DAB1: variants seen among roughly 807,000 people sequenced by gnomAD.
The protein encoded by DAB1 is DAB adaptor protein 1.
DAB1 carries 15 observed loss-of-function variants against 64.6 expected under a neutral mutation model. The ratio of observed to expected loss-of-function variants is 0.23; its 90% confidence interval spans 0.16 to 0.36. The LOEUF (loss-of-function observed/expected upper bound fraction) is 0.36. Among genes scored for constraint, DAB1 ranks in the 10% least tolerant of loss-of-function variants. The pLI is 1.00. For missense variants in DAB1, 596 were observed against 706.7 expected (o/e 0.84, Z 1.78); for synonymous variants, 235 against 251.9 (o/e 0.93, Z 0.64).
chr1:57,791,334 C>T (rs541132702), intron 6 of DAB1, among the ~76,000 whole-genome samples: 3 of 152,308 alleles, frequency 2.0e-5, no homozygotes, highest in East Asian at 3.9e-4. Flanking sequence ...CACACAGATC[C>T]TCCCTTTCCT....
At chr1:58,069,007 G>T (rs561952135) in intron 5 of DAB1, among the ~76,000 whole-genome samples, 1 of 152,226 alleles carries the variant, frequency 6.6e-6, no homozygotes, top group East Asian at 1.9e-4. Flanking sequence ...CATCCTTGTT[G>T]CATTAGAAGA....
chr1:57,997,522 G>T (rs907239406), intron 5 of DAB1, among the ~76,000 whole-genome samples: 1 of 152,062 alleles, frequency 6.6e-6, no homozygotes, highest in Admixed American at 6.6e-5. Flanking sequence ...CCCCTCAGTT[G>T]AATTCCTTCT....
intron 1 of DAB1, among the ~76,000 whole-genome samples, chr1:57,402,881 G>C (rs1340687977): frequency 6.6e-6 from 1 of 152,060 alleles, no homozygotes; most frequent in African/African-American, 2.4e-5. Flanking sequence ...ATAGAAGCCT[G>C]CTATGTGAAT....
intron 4 of DAB1, among the ~76,000 whole-genome samples, chr1:57,116,661 C>T (rs1360727643): frequency 6.6e-6 from 1 of 151,938 alleles, no homozygotes; most frequent in Non-Finnish European, 1.5e-5. Flanking sequence ...ATAAAGGAAG[C>T]CCAAGGACAA....
intron 4 of DAB1, among the ~76,000 whole-genome samples, chr1:58,151,163 G>A (rs371564326): frequency 6.6e-6 from 1 of 152,198 alleles, no homozygotes; most frequent in Admixed American, 6.5e-5. Flanking sequence ...ATGTGTGCAT[G>A]TGTCTTTATA....
intron 7 of DAB1, among the ~76,000 whole-genome samples, chr1:57,431,116 G>C (rs192582380): frequency 9.9e-4 from 104 of 104,588 alleles, no homozygotes; most frequent in Middle Eastern, 5.3e-3. Context: ...ACCAGGTGAA[G>C]CAAGAAAAAG....
At chr1:57,806,262 T>C (rs1245587040) in intron 6 of DAB1, among the ~76,000 whole-genome samples, 1 of 152,148 alleles carries the variant, frequency 6.6e-6, no homozygotes, top group East Asian at 1.9e-4. Context: ...AAATTATAAA[T>C]TGGAGCCCTA....
intron 5 of DAB1, among the ~76,000 whole-genome samples, chr1:58,125,686 T>C (rs1182670420): frequency 6.6e-6 from 1 of 152,140 alleles, no homozygotes; most frequent in Non-Finnish European, 1.5e-5. Flanking sequence ...GCTCAAACAA[T>C]CCACCTGTCT....
intron 1 of DAB1, among the ~76,000 whole-genome samples, chr1:57,881,761 A>C (rs145484402): frequency 6.0e-4 from 91 of 152,244 alleles, no homozygotes; most frequent in African/African-American, 2.2e-3. Flanking sequence ...ATGTCAGGGA[A>C]AGATTTAACC....
intron 7 of DAB1, among the ~76,000 whole-genome samples, chr1:57,570,076 A>G (rs1435834500): frequency 1.3e-5 from 2 of 152,130 alleles, no homozygotes; most frequent in Non-Finnish European, 2.9e-5. Context: ...TCCTGGGTGT[A>G]TCTGTGAGGG....
intron 4 of DAB1, among the ~76,000 whole-genome samples, chr1:58,305,113 A>G (rs896443820): frequency 1.3e-5 from 2 of 152,068 alleles, no homozygotes; most frequent in African/African-American, 4.8e-5. Context: ...TGCAATTCAC[A>G]GGCTATTCAC....
rs143568384 is a variant in DAB1 at position 57,835,151 on chromosome 1, G to A, written n.88-8696C>T. On this transcript the variant is annotated intron_variant and non_coding_transcript_variant, in intron 1 of 1. Transcript: ENST00000477280. ...CAGCTCATGCTGGATAATAATAATT[G>A]TCAACATGATTTCAGATTCTATGCT... Among the ~76,000 whole-genome samples, 224 of 152,294 alleles carry A rather than the reference G, an allele frequency of 1.5e-3. 5 individuals carry two copies. In the South Asian group the frequency reaches 0.037, roughly 25 times the overall value.
chr1:57,032,792 T>C (rs1049169342), intron 9 of DAB1, among the ~76,000 whole-genome samples: 1 of 152,246 alleles, frequency 6.6e-6, no homozygotes, highest in African/African-American at 2.4e-5. Flanking sequence ...TTAGGAGTGG[T>C]AATATTCATT....
At chr1:57,916,876 G>C (rs1415444947) in intron 5 of DAB1, among the ~76,000 whole-genome samples, 4 of 152,008 alleles carry the variant, frequency 2.6e-5, no homozygotes, top group Non-Finnish European at 1.5e-5. Context: ...CTGGGAGGCG[G>C]AGATTGCAGT....
chr1:57,576,344 A>G (rs2101542813), intron 7 of DAB1, among the ~76,000 whole-genome samples: 1 of 152,184 alleles, frequency 6.6e-6, no homozygotes, highest in South Asian at 2.1e-4. Context: ...TTGGGATAAA[A>G]CCCCATTGTG....
chr1:58,181,520 A>T (rs1475866883), intron 4 of DAB1, among the ~76,000 whole-genome samples: 1 of 151,854 alleles, frequency 6.6e-6, no homozygotes, highest in African/African-American at 2.4e-5. Flanking sequence ...CTCCTCCTTA[A>T]TTGCCTTCTT....
intron 3 of DAB1, among the ~76,000 whole-genome samples, chr1:58,444,770 A>G (rs706444): frequency 0.18 from 27,649 of 152,164 alleles, 2,862 homozygotes; most frequent in East Asian, 0.31. Flanking sequence ...CTAATGTTAG[A>G]TGAGCATTAT....
chr1:57,136,192 A>G (rs976608091), intron 4 of DAB1, among the ~76,000 whole-genome samples: 8 of 152,112 alleles, frequency 5.3e-5, no homozygotes, highest in African/African-American at 1.9e-4. Context: ...CAAAAGATGT[A>G]CATGTATCTC....
At chr1:58,419,326 A>G (rs1454935096) in intron 3 of DAB1, among the ~76,000 whole-genome samples, 1 of 152,208 alleles carries the variant, frequency 6.6e-6, no homozygotes, top group Non-Finnish European at 1.5e-5. Context: ...CAATAGGACT[A>G]ATGGTGTTTA....
Sources: allele counts gnomAD v4.1 joint callset (sites outside exome capture counted in the v4.1 genomes callset), GRCh38; gene constraint gnomAD v4.1.1; transcripts MANE v1.5; gene names NCBI Gene and HGNC (gene_info 2026-07-23, HGNC 2026-07-21).